The following NRXN3 variants were observed in gnomAD, a reference collection of about 807,000 sequenced individuals.
The protein encoded by NRXN3 is neurexin 3.
Under a neutral mutation model 137.6 loss-of-function variants are expected in NRXN3, and 32 were observed. The observed-to-expected ratio is 0.23, with a 90% CI of 0.18 to 0.31. The LOEUF (loss-of-function observed/expected upper bound fraction) is 0.31. Ranked by LOEUF, NRXN3 falls within the 10% of genes least tolerant of loss-of-function variation. NRXN3 has a pLI of 1.00. For synonymous variants in NRXN3, 798 were observed against 784.5 expected (o/e 1.02, Z -0.29); for missense variants, 1,574 against 2,062.5 (o/e 0.76, Z 4.59).
intron 6 of NRXN3, among the ~76,000 whole-genome samples, chr14:78,662,647 T>G (rs539153016): frequency 1.3e-5 from 2 of 152,304 alleles, no homozygotes; most frequent in South Asian, 4.1e-4. Context: ...TTTTATATGA[T>G]AGATCTATAG....
chr14:79,602,015 A>G (rs141209586), intron 16 of NRXN3, among the ~76,000 whole-genome samples: 1 of 152,310 alleles, frequency 6.6e-6, no homozygotes, highest in East Asian at 1.9e-4. Flanking sequence ...GACTTTTATA[A>G]AAAGTCTGAA....
intron 20 of NRXN3, among the ~76,000 whole-genome samples, chr14:79,817,685 G>A (rs188540990): frequency 4.1e-4 from 63 of 152,178 alleles, no homozygotes; most frequent in Non-Finnish European, 6.8e-4. Context: ...TGCCCCCAGC[G>A]TGGACACCCA....
chr14:78,461,593 T>C lies in NRXN3; in HGVS notation c.757+163733T>C, dbSNP rs1394083921. On this transcript the variant is annotated intron_variant, in intron 4 of 20. Coordinates refer to ENST00000335750, the MANE Select transcript of NRXN3 (RefSeq NM_001330195.2). ...TGCCTCTCCCCTGGGGGACCATTTT[T>C]AGTGTCTGTCCATCCAACCAGTTAG... 3.3e-5 allele frequency among the ~76,000 whole-genome samples: 5 copies of C among 152,224 alleles called. No homozygotes were observed. In the East Asian group the frequency reaches 5.8e-4, roughly 18 times the overall value.
chr14:78,854,085 A>G (rs1488373282), intron 10 of NRXN3, among the ~76,000 whole-genome samples: 1 of 152,088 alleles, frequency 6.6e-6, no homozygotes, highest in Non-Finnish European at 1.5e-5. Flanking sequence ...CTTTAATTAT[A>G]CCTGTTGGAA....
intron 16 of NRXN3, among the ~76,000 whole-genome samples, chr14:79,599,674 A>G (rs1267720830): frequency 6.6e-6 from 1 of 152,224 alleles, no homozygotes; most frequent in Non-Finnish European, 1.5e-5. Context: ...CACTTTATGT[A>G]TATTTACTTG....
intron 8 of NRXN3, among the ~76,000 whole-genome samples, chr14:78,731,053 C>T (rs907984071): frequency 6.6e-6 from 1 of 152,064 alleles, no homozygotes; most frequent in Non-Finnish European, 1.5e-5. Flanking sequence ...CTTTTCTTGC[C>T]TGTGATCCTT....
chr14:79,573,334 A>C (rs1289469027), intron 16 of NRXN3, among the ~76,000 whole-genome samples: 2 of 152,070 alleles, frequency 1.3e-5, no homozygotes, highest in African/African-American at 4.8e-5. Flanking sequence ...AACAACACAG[A>C]ATGGTAGAGA....
intron 19 of NRXN3, among the ~76,000 whole-genome samples, chr14:79,752,280 T>G (rs1294814061): frequency 2.0e-5 from 3 of 152,166 alleles, no homozygotes; most frequent in Non-Finnish European, 4.4e-5. Flanking sequence ...GAGATTCAAA[T>G]TCTTCCTGGT....
At chr14:78,568,179 A>G (rs2096854290) in intron 4 of NRXN3, among the ~76,000 whole-genome samples, 1 of 152,280 alleles carries the variant, frequency 6.6e-6, no homozygotes, top group South Asian at 2.1e-4. Flanking sequence ...TCAGATTTAC[A>G]TGTTGAAACG....
chr14:78,598,934 T>G (rs1348178947), intron 4 of NRXN3, among the ~76,000 whole-genome samples: 1 of 152,204 alleles, frequency 6.6e-6, no homozygotes, highest in African/African-American at 2.4e-5. Flanking sequence ...ATAAAAAAGC[T>G]GGATTGCTGA....
At chr14:79,845,604 C>CGG (rs2099365777) in intron 20 of NRXN3, among the ~76,000 whole-genome samples, 3 of 89,784 alleles carry the variant, frequency 3.3e-5, no homozygotes, top group Admixed American at 1.1e-4. Flanking sequence ...GAGAGAGAGA[C>CGG]AGAGAGAGAG....
intron 15 of NRXN3, among the ~76,000 whole-genome samples, chr14:79,321,839 A>G (rs965859196): frequency 1.3e-5 from 2 of 148,804 alleles, no homozygotes; most frequent in Non-Finnish European, 3.0e-5. Flanking sequence ...TGATCAACAT[A>G]CCTATATTAT....
intron 4 of NRXN3, among the ~76,000 whole-genome samples, chr14:78,397,202 G>A (rs940614880): frequency 6.6e-6 from 1 of 152,152 alleles, no homozygotes; most frequent in East Asian, 1.9e-4. Context: ...TTAGTTTGAT[G>A]TCTCTTACCA....
At chr14:78,405,690 A>G (rs1017318980) in intron 4 of NRXN3, among the ~76,000 whole-genome samples, 8 of 152,010 alleles carry the variant, frequency 5.3e-5, no homozygotes, top group Admixed American at 4.6e-4. Flanking sequence ...GGGATTGTGG[A>G]CAGATGCTAT....
At chr14:79,049,472 A>G (rs953905365) in intron 15 of NRXN3, among the ~76,000 whole-genome samples, 1 of 152,134 alleles carries the variant, frequency 6.6e-6, no homozygotes, top group Admixed American at 6.5e-5. Context: ...GTTACTTCCT[A>G]TGCCAAAGTC....
chr14:79,605,842 A>T (rs1403781476), intron 16 of NRXN3, among the ~76,000 whole-genome samples: 2 of 152,158 alleles, frequency 1.3e-5, no homozygotes, highest in East Asian at 3.9e-4. Flanking sequence ...GTATGCCAAG[A>T]CTGTCATGCC....
chr14:78,508,692 C>T (rs958844798), intron 4 of NRXN3, among the ~76,000 whole-genome samples: 1 of 151,974 alleles, frequency 6.6e-6, no homozygotes, highest in Non-Finnish European at 1.5e-5. Context: ...TCAATTCTAA[C>T]TAACTGCCCT....
intron 4 of NRXN3, 97 bp from the exon 5 acceptor site, chr14:78,645,023 G>A (rs2097672958): frequency 2.8e-6 from 3 of 1,070,558 alleles, no homozygotes; most frequent in East Asian, 2.6e-5. Context: ...GCACAAGAAC[G>A]GGGCAGTGCC....
At chr14:78,483,368 C>T (rs1327697071) in intron 4 of NRXN3, among the ~76,000 whole-genome samples, 2 of 152,164 alleles carry the variant, frequency 1.3e-5, no homozygotes, top group Admixed American at 1.3e-4. Flanking sequence ...AGCTCAGTGT[C>T]ACAGCTAAGG....
Sources: allele counts gnomAD v4.1 joint callset (sites outside exome capture counted in the v4.1 genomes callset), GRCh38; gene constraint gnomAD v4.1.1; transcripts MANE v1.5; gene names NCBI Gene and HGNC (gene_info 2026-07-23, HGNC 2026-07-21).